Variants in RAD50 observed in about 807,000 individuals in gnomAD.
RAD50 encodes the protein RAD50 double strand break repair protein, also known as DNA repair protein RAD50.
Under a neutral mutation model 168.8 loss-of-function variants are expected in RAD50, and 132 were observed. The observed-to-expected ratio is 0.78, with a 90% CI of 0.68 to 0.90. The LOEUF is 0.90. Among genes scored for constraint, RAD50 ranks in the 40% least tolerant of loss-of-function variants. RAD50 has a pLI of 0.00. For synonymous variants in RAD50, 525 were observed against 497.4 expected (o/e 1.06, Z -0.74); for missense variants, 1,347 against 1,534.4 (o/e 0.88, Z 2.04).
intron 2 of RAD50, among the ~76,000 whole-genome samples, chr5:132,565,696 T>G (rs1750195874): frequency 6.6e-6 from 1 of 152,172 alleles, no homozygotes. Flanking sequence ...ATGCCGTCTC[T>G]ACTCTATGAT....
Position 132,575,903 on chromosome 5 carries a change from C to A in RAD50, c.340C>A (p.Leu114Met). ...AAGCAAAAAGACAGAATTTAAAACT[C>A]TGGAAGGAGTCATTACTAGAACAAA... ...QKSKKTEFKTLEGVITRTKHG... is the reference protein window; with the variant it reads ...QKSKKTEFKTMEGVITRTKHG... Residue 114 changes from leucine to methionine, a missense_variant, in exon 3 of 25, where the codon CTG (leucine) becomes ATG (methionine). By Grantham distance (15) the Leu-to-Met change is conservative (BLOSUM62 2). Transcript: ENST00000378823. 2 of 1,611,094 alleles carry A rather than the reference C, an allele frequency of 1.2e-6. No homozygotes were observed. The highest frequency in any genetic ancestry group is 1.7e-6 in the Non-Finnish European group (2 of 1,177,378).
chr5:132,601,208 G>T (rs1354310664), intron 13 of RAD50, among the ~76,000 whole-genome samples: 1 of 152,040 alleles, frequency 6.6e-6, no homozygotes, highest in South Asian at 2.1e-4. Flanking sequence ...ATGTTGGCCA[G>T]GCTGGTCTTG....
intron 10 of RAD50, among the ~76,000 whole-genome samples, 195 bp downstream of exon 10, chr5:132,591,601 G>GTA (rs1580994607): frequency 6.6e-6 from 1 of 152,098 alleles, no homozygotes; most frequent in East Asian, 1.9e-4. Flanking sequence ...ATACAGAAAT[G>GTA]TATATATATG....
At chr5:132,584,198 A>G (rs185973219) in intron 5 of RAD50, among the ~76,000 whole-genome samples, 23 of 152,250 alleles carry the variant, frequency 1.5e-4, no homozygotes, top group Admixed American at 1.1e-3. Context: ...ATTGATCGCC[A>G]TTCTAACTGG....
chr5:132,558,556 C>G (rs968890892), intron 1 of RAD50, among the ~76,000 whole-genome samples: 1 of 151,452 alleles, frequency 6.6e-6, no homozygotes, highest in African/African-American at 2.4e-5. Flanking sequence ...AATAAAAATA[C>G]AAAAATTAGC....
chr5:132,558,006 CTTTT>C (rs80037304), intron 1 of RAD50, among the ~76,000 whole-genome samples: 4 of 142,848 alleles, frequency 2.8e-5, no homozygotes, highest in African/African-American at 1.0e-4. Flanking sequence ...GCACGACTGA[CTTTT>C]TTTTTTTTTT....
intron 21 of RAD50, among the ~76,000 whole-genome samples, chr5:132,632,185 A>AT (rs1230342923): frequency 6.6e-6 from 1 of 152,114 alleles, no homozygotes; most frequent in South Asian, 2.1e-4. Flanking sequence ...AACATATGTG[A>AT]TTTTTTTCCT....
intron 5 of RAD50, among the ~76,000 whole-genome samples, chr5:132,585,482 T>C (rs142181153): frequency 6.0e-4 from 92 of 152,338 alleles, no homozygotes; most frequent in African/African-American, 1.7e-3. Context: ...CATCTTTTCA[T>C]GTATTTATTT....
chr5:132,566,854 T>C (rs1331653310), intron 2 of RAD50, among the ~76,000 whole-genome samples: 1 of 152,236 alleles, frequency 6.6e-6, no homozygotes, highest in East Asian at 1.9e-4. Context: ...TCTTCTCATC[T>C]GGTTAACTTC....
At chr5:132,627,272 C>T (rs1751387949) in intron 21 of RAD50, among the ~76,000 whole-genome samples, 1 of 152,014 alleles carries the variant, frequency 6.6e-6, no homozygotes, top group African/African-American at 2.4e-5. Context: ...TTTTGTAACT[C>T]TTCAGTGAGG....
chr5:132,609,122 T>A lies in RAD50; in HGVS notation c.2835T>A (p.Asn945Lys). The A allele has an allele frequency of 6.2e-7, 1 of 1,611,228 alleles. No individual in the cohort carries two copies. The highest frequency in any genetic ancestry group is 8.5e-7 in the Non-Finnish European group (1 of 1,178,940). ...TAATGAATATTTTTCTACAGCTGAA[T>A]GATATTAAAGAGAAGGTTAAAAATA... ...TSNKIAQDKL[N>K]DIKEKVKNIH... The change falls in exon 18 of 25, where the codon AAT becomes AAA. Residue 945 changes from asparagine (N) to lysine (K), a missense_variant. Asn to Lys is a moderately conservative substitution (Grantham distance 94). Around this residue, in one of 3 missense-constraint regions of RAD50, gnomAD observed 635 missense variants for 739.2 expected, o/e 0.86. Transcript: ENST00000378823.
intron 11 of RAD50, 140 bp from the exon 12 acceptor site, chr5:132,594,729 A>C: frequency 1.2e-6 from 1 of 827,866 alleles, no homozygotes; most frequent in Non-Finnish European, 1.9e-6. Flanking sequence ...CTAGTCCCTC[A>C]ACTTCTGAAA....
chr5:132,637,743 A>G (rs191063891), intron 22 of RAD50, among the ~76,000 whole-genome samples: 1 of 152,270 alleles, frequency 6.6e-6, no homozygotes, highest in Non-Finnish European at 1.5e-5. Flanking sequence ...CATGTTGGCC[A>G]GGCTGGTCTC....
chr5:132,597,632 C>G (rs1225883005), intron 13 of RAD50, among the ~76,000 whole-genome samples: 1 of 152,180 alleles, frequency 6.6e-6, no homozygotes, highest in African/African-American at 2.4e-5. Context: ...AGCAGTCAAG[C>G]CTTAAGATGA....
rs1466076268 is a variant in RAD50 at position 132,643,075 on chromosome 5, G to A, written c.*711G>A. On this transcript the variant is annotated 3_prime_UTR_variant, in exon 25 of 25. Coordinates refer to ENST00000378823, the MANE Select transcript of RAD50 (RefSeq NM_005732.4). ...CACTGTGCACACCCACCTTTGGAAAGCTCTGACCACTTGAGGCCTGATCTG... is the reference window on the plus strand; with the variant it reads ...CACTGTGCACACCCACCTTTGGAAAACTCTGACCACTTGAGGCCTGATCTG... The A allele has an allele frequency of 1.9e-6, 1 of 529,518 alleles. No homozygotes were observed. The highest frequency in any genetic ancestry group is 3.8e-6 in the Non-Finnish European group (1 of 262,738). 32.8% of individuals were successfully genotyped at this position (529,518 alleles called of 1,614,324 possible). A position where few individuals can be genotyped will look rare whatever the true frequency, so the allele number is the denominator to read the frequency against.
chr5:132,615,135 AT>A (rs1388524720), intron 19 of RAD50, among the ~76,000 whole-genome samples: 1 of 152,008 alleles, frequency 6.6e-6, no homozygotes, highest in African/African-American at 2.4e-5. Context: ...TCTGCAGGAA[AT>A]TTTTTTTCCT....
intron 21 of RAD50, among the ~76,000 whole-genome samples, chr5:132,624,024 CAT>C (rs1165022451): frequency 6.6e-6 from 1 of 152,204 alleles, no homozygotes; most frequent in Non-Finnish European, 1.5e-5. Flanking sequence ...AGCCAATTAA[CAT>C]GTTATTTTTT....
intron 20 of RAD50, among the ~76,000 whole-genome samples, chr5:132,616,908 G>A (rs1440281272): frequency 6.6e-6 from 1 of 152,176 alleles, no homozygotes; most frequent in Non-Finnish European, 1.5e-5. Flanking sequence ...ATATAGTAAA[G>A]TGAATTTTAA....
rs1750456117 is a variant in RAD50 at position 132,579,200 on chromosome 5, T to G, written c.366-117T>G. On this transcript the variant is annotated intron_variant, in intron 3 of 24. Coordinates refer to ENST00000378823, the MANE Select transcript of RAD50 (RefSeq NM_005732.4). ...CATGATGAAGCCATTTCTAACGGGA[T>G]AGGTGAAGGGCCTTTTTTTTTATTC... 3.9e-6 allele frequency: 4 copies of G among 1,037,404 alleles called. No individual in the cohort carries two copies. In the South Asian group the frequency reaches 5.9e-5, roughly 15 times the overall value. The allele number at this position is 1,037,404 out of a possible 1,614,324, so 64.3% of individuals were successfully genotyped here.
Sources: allele counts gnomAD v4.1 joint callset (sites outside exome capture counted in the v4.1 genomes callset), GRCh38; gene constraint gnomAD v4.1.1; regional missense constraint gnomAD v4.1.1; transcripts MANE v1.5; gene names NCBI Gene and HGNC (gene_info 2026-07-23, HGNC 2026-07-21).